PLCB1: variants seen among roughly 807,000 people sequenced by gnomAD.
PLCB1 encodes phospholipase C beta 1, also known as 1-phosphatidylinositol 4,5-bisphosphate phosphodiesterase beta-1.
PLCB1 carries 46 observed loss-of-function variants against 161.8 expected under a neutral mutation model. The ratio of observed to expected loss-of-function variants is 0.28; its 90% CI spans 0.22 to 0.36. The LOEUF (loss-of-function observed/expected upper bound fraction) is 0.36, where lower values mean the gene tolerates loss of function less well. PLCB1 is among the 10% of genes least tolerant of loss of function. The pLI is 1.00. For missense variants in PLCB1, 1,016 were observed against 1,472.5 expected, an observed-to-expected ratio of 0.69 and a Z score of 5.07; for synonymous variants, 517 against 503.7, an observed-to-expected ratio of 1.03 and a Z score of -0.35.
At chr20:8,628,577 TGC>T in intron 4 of PLCB1, 146 bp downstream of exon 4, 1 of 744,324 alleles carries the variant, frequency 1.3e-6, no homozygotes, top group Non-Finnish European at 2.2e-6. Context: ...CAAGTATAAG[TGC>T]AATTAAAATA....
At chr20:8,715,077 A>G (rs867947071) in intron 12 of PLCB1, among the ~76,000 whole-genome samples, 2 of 152,220 alleles carry the variant, frequency 1.3e-5, no homozygotes, top group Non-Finnish European at 2.9e-5. Context: ...ACTTATTCTT[A>G]GTACAGTCAC....
At chr20:8,632,044 T>TTTTG (rs1568537469) in intron 4 of PLCB1, among the ~76,000 whole-genome samples, 9 of 74,264 alleles carry the variant, frequency 1.2e-4, no homozygotes, top group African/African-American at 2.1e-4. Context: ...GCTTTTTTTT[T>TTTTG]TTTTTTTTTT....
chr20:8,235,931 G>C (rs971677672), intron 2 of PLCB1, among the ~76,000 whole-genome samples: 1 of 151,948 alleles, frequency 6.6e-6, no homozygotes, highest in Admixed American at 6.6e-5. Flanking sequence ...AAACTCTCAA[G>C]GCAATCCAAA....
At chr20:8,474,085 G>A (rs936594360) in intron 3 of PLCB1, among the ~76,000 whole-genome samples, 1 of 152,174 alleles carries the variant, frequency 6.6e-6, no homozygotes, top group South Asian at 2.1e-4. Flanking sequence ...CATCCAGTTC[G>A]TTCCCATGCC....
intron 3 of PLCB1, among the ~76,000 whole-genome samples, chr20:8,404,177 G>A (rs1978688084): frequency 6.6e-6 from 1 of 152,134 alleles, no homozygotes; most frequent in Admixed American, 6.5e-5. Flanking sequence ...TGAAAGCAAT[G>A]GGTTTTGTGA....
chr20:8,549,790 C>G lies in PLCB1; in HGVS notation c.247-78504C>G, dbSNP rs113917794. Among the ~76,000 whole-genome samples the G allele has an allele frequency of 9.1e-3, 1,391 of 152,230 alleles. 9 individuals are homozygous for G. The highest frequency in any genetic ancestry group is 0.016 in the Non-Finnish European group (1,070 of 68,012). On this transcript the variant is annotated intron_variant, in intron 3 of 31. Transcript: ENST00000338037. ...TTTGCCATGTTGCCCAGGCTGGTGT[C>G]AAACTCCTGAGCTCAAAGCAATCTG...
intron 3 of PLCB1, among the ~76,000 whole-genome samples, chr20:8,512,557 G>C (rs1418953729): frequency 2.8e-4 from 43 of 151,776 alleles, no homozygotes; most frequent in Admixed American, 2.8e-3. Flanking sequence ...AAAACATTGT[G>C]GCTTTGTTTT....
intron 31 of PLCB1, among the ~76,000 whole-genome samples, chr20:8,840,041 A>G (rs1278686939): frequency 2.0e-5 from 3 of 152,110 alleles, no homozygotes; most frequent in Non-Finnish European, 4.4e-5. Flanking sequence ...AGAAAAAAAA[A>G]AAAAAGCTTG....
chr20:8,444,299 T>C (rs1303846602), intron 3 of PLCB1, among the ~76,000 whole-genome samples: 3 of 152,132 alleles, frequency 2.0e-5, no homozygotes, highest in African/African-American at 7.2e-5. Flanking sequence ...GTTTGGTTTT[T>C]TGTCCTTGCG....
intron 3 of PLCB1, among the ~76,000 whole-genome samples, chr20:8,398,411 C>A (rs78350232): frequency 0.018 from 2,718 of 152,010 alleles, 92 homozygotes; most frequent in African/African-American, 0.063. Context: ...AACAAATTAC[C>A]ATAGACTGGT....
At chr20:8,713,348 A>C (rs893029352) in intron 12 of PLCB1, among the ~76,000 whole-genome samples, 10 of 152,036 alleles carry the variant, frequency 6.6e-5, no homozygotes, top group African/African-American at 2.4e-4. Context: ...ACAACTGGCA[A>C]ACTTTTGCAT....
At chr20:8,592,478 G>A (rs1337722168) in intron 3 of PLCB1, among the ~76,000 whole-genome samples, 1 of 152,148 alleles carries the variant, frequency 6.6e-6, no homozygotes, top group East Asian at 1.9e-4. Context: ...CCTATTGTTG[G>A]CATTTCTGGC....
At chr20:8,414,929 A>G (rs946250401) in intron 3 of PLCB1, among the ~76,000 whole-genome samples, 2 of 152,118 alleles carry the variant, frequency 1.3e-5, no homozygotes, top group South Asian at 2.1e-4. Flanking sequence ...GACTCAGAAT[A>G]TGCATTTTAA....
rs570846253 is a variant in PLCB1, at chr20:8,750,733, G to C, written c.2524-6313G>C. On this transcript the variant is annotated intron_variant, in intron 23 of 31. Transcript: ENST00000338037. The stretch of plus-strand genomic sequence containing the variant: ...TAAGGTACAAATTGTGCTCATGTTT[G>C]AAGAAGCTCCTCCTTAAGGGAAAGG... 6.5e-6 allele frequency: 4 copies of C among 613,362 alleles called. No homozygotes were observed. The African/African-American group carries it at 7.7e-5, about 12-fold the overall frequency. The allele number at this position is 613,362 out of a possible 1,614,324, so 38.0% of individuals were successfully genotyped here. A position where few individuals can be genotyped will look rare whatever the true frequency, so the allele number is the denominator to read the frequency against.
intron 24 of PLCB1, among the ~76,000 whole-genome samples, chr20:8,758,531 A>G (rs1981855773): frequency 1.3e-5 from 2 of 152,128 alleles, no homozygotes; most frequent in Non-Finnish European, 2.9e-5. Flanking sequence ...CAGTAAGCTG[A>G]GATCGCACCA....
At chr20:8,720,141 A>G (rs547640960) in intron 14 of PLCB1, among the ~76,000 whole-genome samples, 1 of 152,098 alleles carries the variant, frequency 6.6e-6, no homozygotes, top group East Asian at 1.9e-4. Flanking sequence ...TCCTAACACA[A>G]CTCTATCCGT....
At chr20:8,477,662 T>C (rs1018325473) in intron 3 of PLCB1, among the ~76,000 whole-genome samples, 2 of 152,144 alleles carry the variant, frequency 1.3e-5, no homozygotes, top group Non-Finnish European at 2.9e-5. Context: ...AGAAGGCGAA[T>C]AGGGAGCAGG....
chr20:8,197,553 A>G (rs1187495728), intron 2 of PLCB1, among the ~76,000 whole-genome samples: 3 of 151,904 alleles, frequency 2.0e-5, no homozygotes, highest in African/African-American at 7.3e-5. Flanking sequence ...TAGATTCTGG[A>G]TATTAGCCCT....
intron 3 of PLCB1, among the ~76,000 whole-genome samples, chr20:8,566,809 T>C (rs1441635890): frequency 1.4e-5 from 1 of 73,550 alleles, no homozygotes; most frequent in African/African-American, 3.6e-5. Context: ...AAATCACTTC[T>C]TTTTTTTTTT....
Sources: gnomAD v4.1 joint callset for allele counts (sites outside exome capture counted in the v4.1 genomes callset) on GRCh38, gnomAD v4.1.1 for gene constraint, MANE v1.5 for transcripts, NCBI Gene and HGNC (gene_info 2026-07-23, HGNC 2026-07-21) for gene names.